SNX29: variants seen among roughly 807,000 people sequenced by gnomAD.
The protein encoded by SNX29 is sorting nexin-29.
A neutral mutation model predicts 102.1 loss-of-function variants in SNX29; 78 were observed. That is an observed-to-expected ratio of 0.76 (90% CI 0.64 to 0.92). The LOEUF (loss-of-function observed/expected upper bound fraction) is 0.92, where lower values mean the gene tolerates loss of function less well. Ranked by LOEUF, SNX29 falls within the 40% of genes least tolerant of loss-of-function variation. SNX29 has a pLI of 0.00. For synonymous variants in SNX29, 580 were observed against 414.5 expected, an observed-to-expected ratio of 1.40 and a Z score of -4.85; for missense variants, 1,280 against 1,061.7, an observed-to-expected ratio of 1.21 and a Z score of -2.86.
At chr16:12,012,741 C>A (rs917571933) in intron 3 of SNX29, among the ~76,000 whole-genome samples, 3 of 151,994 alleles carry the variant, frequency 2.0e-5, no homozygotes, top group Non-Finnish European at 4.4e-5. Flanking sequence ...CATTGTGTAC[C>A]ATTTTCACCA....
rs1173885317 is a variant in SNX29 at position 12,013,501 on chromosome 16, ATATATATATATATATATATAT to A, written c.122+10459_122+10479del. Among the ~76,000 whole-genome samples the A allele has an allele frequency of 1.8e-3, 74 of 40,896 alleles. 9 individuals are homozygous for A. Among genetic ancestry groups the A allele is most frequent in the South Asian group, 5.6e-3 (6 of 1,078 alleles). 26.8% of individuals were successfully genotyped at this position (40,896 alleles called of 152,430 possible). A position where few individuals can be genotyped will look rare whatever the true frequency, so the allele number is the denominator to read the frequency against. On this transcript the variant is annotated intron_variant, in intron 3 of 20. Coordinates refer to ENST00000566228, the MANE Select transcript of SNX29 (RefSeq NM_032167.5). ...TCTCTACTGGGGGAAAAAAAAAAAAATATATATATATATATATATATATATATATATATATATATATCGAGA... is the reference window on the plus strand; with the variant it reads ...TCTCTACTGGGGGAAAAAAAAAAAAAATATATATATATATATATATCGAGA...
chr16:12,075,936 C>T (rs1048660353), intron 10 of SNX29, among the ~76,000 whole-genome samples: 1 of 152,224 alleles, frequency 6.6e-6, no homozygotes, highest in Non-Finnish European at 1.5e-5. Context: ...TGCTAGCAAT[C>T]AGCGAGACTC....
chr16:12,106,574 A>G (rs578185513), intron 11 of SNX29, among the ~76,000 whole-genome samples: 2 of 151,296 alleles, frequency 1.3e-5, no homozygotes, highest in East Asian at 2.0e-4. Context: ...CCCGGTCTCA[A>G]TTGATCCTCC....
chr16:12,075,369 T>C (rs2051503602), intron 10 of SNX29, among the ~76,000 whole-genome samples: 1 of 152,200 alleles, frequency 6.6e-6, no homozygotes, highest in Non-Finnish European at 1.5e-5. Context: ...TGTTTGTTAG[T>C]TTTCCTTCTA....
intron 15 of SNX29, among the ~76,000 whole-genome samples, chr16:12,352,341 G>A (rs1207134646): frequency 1.3e-5 from 2 of 148,176 alleles, no homozygotes; most frequent in African/African-American, 5.0e-5. Context: ...ACAGGAAGGG[G>A]AACATCACAC....
At chr16:12,071,386 A>G (rs559501173) in intron 10 of SNX29, among the ~76,000 whole-genome samples, 14 of 152,278 alleles carry the variant, frequency 9.2e-5, no homozygotes, top group Non-Finnish European at 1.3e-4. Flanking sequence ...CTTTCTACAT[A>G]TGGCTAGCCA....
intron 13 of SNX29, among the ~76,000 whole-genome samples, chr16:12,160,228 C>T (rs569396982): frequency 1.4e-4 from 21 of 152,310 alleles, no homozygotes; most frequent in African/African-American, 4.8e-4. Flanking sequence ...GCCTCCACTC[C>T]ACTTTCTGAC....
intron 15 of SNX29, among the ~76,000 whole-genome samples, chr16:12,326,000 G>T (rs992790378): frequency 1.3e-5 from 2 of 151,900 alleles, no homozygotes; most frequent in Non-Finnish European, 2.9e-5. Context: ...CTGCATTCCA[G>T]CCTGGGCACC....
At chr16:12,186,873 T>G (rs1247778680) in intron 13 of SNX29, among the ~76,000 whole-genome samples, 1 of 152,208 alleles carries the variant, frequency 6.6e-6, no homozygotes, top group Admixed American at 6.5e-5. Flanking sequence ...AAAGAGACAC[T>G]ATAGCAAGTA....
At chr16:12,405,063 C>T (rs1377245057) in intron 18 of SNX29, among the ~76,000 whole-genome samples, 2 of 152,210 alleles carry the variant, frequency 1.3e-5, no homozygotes, top group African/African-American at 4.8e-5. Context: ...AAATCCTCTT[C>T]TCTTTGTTTC....
At chr16:12,229,393 A>G (rs1304779364) in intron 14 of SNX29, among the ~76,000 whole-genome samples, 2 of 152,180 alleles carry the variant, frequency 1.3e-5, no homozygotes, top group East Asian at 1.9e-4. Context: ...CATCTAACCA[A>G]TTTCCATGTC....
At chr16:12,075,494 G>A (rs966086503) in intron 10 of SNX29, among the ~76,000 whole-genome samples, 9 of 152,190 alleles carry the variant, frequency 5.9e-5, no homozygotes, top group East Asian at 1.9e-4. Context: ...CGTGATCCGC[G>A]AATGCTGCTG....
chr16:12,236,696 G>C (rs918847915), intron 14 of SNX29, among the ~76,000 whole-genome samples: 3 of 152,188 alleles, frequency 2.0e-5, no homozygotes, highest in African/African-American at 7.2e-5. Flanking sequence ...CTATGTGCCA[G>C]GTACCACAGT....
intron 18 of SNX29, among the ~76,000 whole-genome samples, chr16:12,411,953 C>T (rs1597287177): frequency 6.6e-6 from 1 of 152,190 alleles, no homozygotes; most frequent in Non-Finnish European, 1.5e-5. Flanking sequence ...TGTCTCTGGG[C>T]ATGTCCCCGT....
At chr16:12,549,146 A>G (rs1295441291) in intron 20 of SNX29, among the ~76,000 whole-genome samples, 4 of 151,888 alleles carry the variant, frequency 2.6e-5, no homozygotes, top group Non-Finnish European at 5.9e-5. Flanking sequence ...GTTTTGATTT[A>G]GCAGTTATCA....
In SNX29 at chr16:12,443,007, G is replaced by T. The variant is rs1349593613; in HGVS notation, c.2038-34712G>T. 2.4e-5 allele frequency: 11 copies of T among 455,928 alleles called. No homozygotes were observed. In the East Asian group the frequency reaches 7.6e-4, roughly 32 times the overall value. 28.2% of individuals were successfully genotyped at this position (455,928 alleles called of 1,614,324 possible). ...GATTTTTTTCCAGCTATTTAAAAATGTGAAAATCATTCTTAGTCTGTGGGC... is the reference window on the plus strand; with the variant it reads ...GATTTTTTTCCAGCTATTTAAAAATTTGAAAATCATTCTTAGTCTGTGGGC... On this transcript the variant is annotated intron_variant, in intron 18 of 20. Coordinates refer to ENST00000566228, the MANE Select transcript of SNX29 (RefSeq NM_032167.5).
intron 20 of SNX29, among the ~76,000 whole-genome samples, chr16:12,563,283 G>C (rs67577857): frequency 0.26 from 39,490 of 151,860 alleles, 5,695 homozygotes; most frequent in East Asian, 0.44. Context: ...TCGGGTTCTG[G>C]ATCCACAGCT....
At chr16:12,204,490 C>T (rs1333024778) in intron 14 of SNX29, among the ~76,000 whole-genome samples, 1 of 152,186 alleles carries the variant, frequency 6.6e-6, no homozygotes, top group African/African-American at 2.4e-5. Context: ...TCATGGCCAC[C>T]ATAGCGTAGT....
At chr16:12,143,060 C>T (rs1194974406) in intron 13 of SNX29, among the ~76,000 whole-genome samples, 3 of 151,378 alleles carry the variant, frequency 2.0e-5, no homozygotes, top group East Asian at 1.9e-4. Flanking sequence ...TCCAGTGGTG[C>T]GATCTCAGCT....
Sources: allele counts gnomAD v4.1 joint callset (sites outside exome capture counted in the v4.1 genomes callset), GRCh38; gene constraint gnomAD v4.1.1; transcripts MANE v1.5; gene names NCBI Gene and HGNC (gene_info 2026-07-23, HGNC 2026-07-21).